Variants in TBC1D23 observed in about 807,000 individuals in gnomAD.
TBC1D23 encodes the protein HCV non-structural protein 4A-transactivated protein 1.
In TBC1D23, 55 loss-of-function variants were observed where a neutral mutation model predicts 91.4. The ratio of observed to expected loss-of-function variants is 0.60; its 90% CI spans 0.48 to 0.75. The LOEUF (loss-of-function observed/expected upper bound fraction) is 0.75. TBC1D23 is among the 30% of genes least tolerant of loss of function. TBC1D23 has a pLI of 0.00. For missense variants in TBC1D23, 725 were observed against 836.1 expected (o/e 0.87, Z 1.64); for synonymous variants, 289 against 281.0 (o/e 1.03, Z -0.28).
chr3:100,281,562 G>C (rs1006292426), intron 2 of TBC1D23, among the ~76,000 whole-genome samples, 180 bp from the exon 3 acceptor site: 3 of 152,078 alleles, frequency 2.0e-5, no homozygotes, highest in Non-Finnish European at 2.9e-5. Flanking sequence ...AATGTAGGAG[G>C]ACTTAAAATA....
At chr3:100,277,888 T>G (rs1445093020) in intron 1 of TBC1D23, among the ~76,000 whole-genome samples, 1 of 152,230 alleles carries the variant, frequency 6.6e-6, no homozygotes, top group Non-Finnish European at 1.5e-5. Flanking sequence ...TCTCTACCTC[T>G]CCCTTCCAAC....
intron 3 of TBC1D23, among the ~76,000 whole-genome samples, chr3:100,283,329 G>A (rs539081034): frequency 1.1e-3 from 163 of 151,748 alleles, no homozygotes; most frequent in South Asian, 1.9e-3. Flanking sequence ...AGCCAAGACC[G>A]TGCCATTGCA....
Position 100,320,310 on chromosome 3 carries a change from A to G in TBC1D23, c.1824-467A>G, listed in dbSNP as rs150244220. Among the ~76,000 whole-genome samples, 15 of 152,294 alleles carry G rather than the reference A, an allele frequency of 9.8e-5. No homozygotes were observed. In the East Asian group the frequency reaches 1.2e-3, roughly 12 times the overall value. ...GGGTTGGGTGAGTGTTAATAATACTATGCTCATTTTGCCTTCAGGATCCAG... is the reference window on the plus strand; with the variant it reads ...GGGTTGGGTGAGTGTTAATAATACTGTGCTCATTTTGCCTTCAGGATCCAG... On this transcript the variant is annotated intron_variant, in intron 17 of 18. Coordinates refer to ENST00000394144, the MANE Select transcript of TBC1D23 (RefSeq NM_001199198.3).
chr3:100,302,245 G>C lies in TBC1D23; in HGVS notation c.1263+8G>C, dbSNP rs752380968. 23 of 1,591,804 alleles carry C rather than the reference G, an allele frequency of 1.4e-5. No individual in the cohort carries two copies. Among genetic ancestry groups the C allele is most frequent in the Non-Finnish European group, 1.9e-5 (22 of 1,170,982 alleles). ...CTGGCACACTTTTTACAGGTATGCT[G>C]ACATAAATTATTTCAGTTTTGTTTG... On this transcript the variant is annotated splice_region_variant and intron_variant, in intron 11 of 18. Coordinates refer to ENST00000394144, the MANE Select transcript of TBC1D23 (RefSeq NM_001199198.3).
At position 100,319,159 on chromosome 3, in the gene TBC1D23, A is replaced by G; in HGVS notation, c.1778A>G (p.His593Arg). Residue 593 changes from histidine (H) to arginine (R), a missense_variant, in exon 17 of 19, where the codon CAT (histidine) becomes CGT (arginine). His to Arg is a conservative substitution (Grantham distance 29). Transcript: ENST00000394144. ...ATAAACAAACCAGATGTCAAACATC[A>G]TTTTCCTTGTAAAGAAGTAAAAGAA... is the stretch of plus-strand genomic sequence containing the variant. ...TWINKPDVKHHFPCKEVKESG... is the reference protein window; with the variant it reads ...TWINKPDVKHRFPCKEVKESG... The G allele has an allele frequency of 6.2e-7, 1 of 1,610,662 alleles. No homozygotes were observed. The highest frequency in any genetic ancestry group is 8.5e-7 in the Non-Finnish European group (1 of 1,178,324).
At chr3:100,298,116 T>C (rs1705339278) in intron 9 of TBC1D23, 71 bp downstream of exon 9, 3 of 1,355,456 alleles carry the variant, frequency 2.2e-6, no homozygotes, top group Non-Finnish European at 3.0e-6. Flanking sequence ...TCCTCCCTGT[T>C]CATTGATTCC....
chr3:100,277,770 A>G (rs1056668274), intron 1 of TBC1D23, among the ~76,000 whole-genome samples: 3 of 152,150 alleles, frequency 2.0e-5, no homozygotes, highest in Non-Finnish European at 2.9e-5. Flanking sequence ...TCTTTGTTTC[A>G]TGGTTACTAA....
At chr3:100,264,391 CAT>C (rs1459949159) in intron 1 of TBC1D23, among the ~76,000 whole-genome samples, 1 of 146,938 alleles carries the variant, frequency 6.8e-6, no homozygotes, top group Non-Finnish European at 1.5e-5. Context: ...TAAAATGTAT[CAT>C]ATATCTTACT....
intron 12 of TBC1D23, among the ~76,000 whole-genome samples, chr3:100,306,107 T>A (rs952917734): frequency 1.3e-5 from 2 of 152,240 alleles, no homozygotes. Flanking sequence ...TTATCCTTTA[T>A]GTCATAAAAA....
chr3:100,319,739 AT>A (rs1705817670), intron 17 of TBC1D23, among the ~76,000 whole-genome samples: 1 of 151,996 alleles, frequency 6.6e-6, no homozygotes, highest in Non-Finnish European at 1.5e-5. Flanking sequence ...TGATTCTTAG[AT>A]TTATCAACTG....
chr3:100,313,357 G>T (rs935792215), intron 15 of TBC1D23, among the ~76,000 whole-genome samples: 10 of 151,942 alleles, frequency 6.6e-5, no homozygotes, highest in African/African-American at 2.2e-4. Context: ...AATGAATTAG[G>T]TTTCTTTCTA....
intron 1 of TBC1D23, among the ~76,000 whole-genome samples, chr3:100,272,632 A>C (rs2067609041): frequency 6.6e-6 from 1 of 152,200 alleles, no homozygotes; most frequent in Non-Finnish European, 1.5e-5. Context: ...CAGCATATGG[A>C]GGATCCCGCC....
intron 15 of TBC1D23, among the ~76,000 whole-genome samples, chr3:100,312,176 C>G (rs1705635851): frequency 6.6e-6 from 1 of 152,092 alleles, no homozygotes; most frequent in Non-Finnish European, 1.5e-5. Flanking sequence ...GAAGGTGAAA[C>G]AAAGAAAGTA....
chr3:100,274,314 C>T (rs1432616906), intron 1 of TBC1D23, among the ~76,000 whole-genome samples: 2 of 152,056 alleles, frequency 1.3e-5, no homozygotes, highest in Non-Finnish European at 2.9e-5. Context: ...TTTGTAAGGT[C>T]ACATGGCTGT....
chr3:100,301,991 T>TA (rs904351838), intron 10 of TBC1D23, 76 bp from the exon 11 acceptor site: 131 of 1,199,138 alleles, frequency 1.1e-4, no homozygotes, highest in Middle Eastern at 2.5e-4. Context: ...GGGTTTTTCC[T>TA]AAAAAAAATT....
At chr3:100,310,050 G>A (rs553646176) in intron 13 of TBC1D23, among the ~76,000 whole-genome samples, 1 of 152,330 alleles carries the variant, frequency 6.6e-6, no homozygotes, top group Admixed American at 6.5e-5. Context: ...CAAGATGAAA[G>A]TATTGGCAGG....
At chr3:100,318,178 T>C (rs1013163973) in intron 16 of TBC1D23, among the ~76,000 whole-genome samples, 2 of 151,230 alleles carry the variant, frequency 1.3e-5, no homozygotes, top group African/African-American at 4.9e-5. Flanking sequence ...CCTTTTTCAT[T>C]ATGTCTCTAT....
At chr3:100,309,432 G>A (rs1434348773) in intron 13 of TBC1D23, among the ~76,000 whole-genome samples, 1 of 151,870 alleles carries the variant, frequency 6.6e-6, no homozygotes, top group Non-Finnish European at 1.5e-5. Flanking sequence ...GGTAATTTCA[G>A]GCTCCACACT....
At chr3:100,269,854 A>G (rs1487820129) in intron 1 of TBC1D23, among the ~76,000 whole-genome samples, 4 of 152,230 alleles carry the variant, frequency 2.6e-5, no homozygotes, top group Non-Finnish European at 5.9e-5. Context: ...CCACAATTCA[A>G]TACATGCAGC....
Sources: gnomAD v4.1 joint callset for allele counts (sites outside exome capture counted in the v4.1 genomes callset) on GRCh38, gnomAD v4.1.1 for gene constraint, MANE v1.5 for transcripts, NCBI Gene and HGNC (gene_info 2026-07-23, HGNC 2026-07-21) for gene names.